CHRNA4: variants seen among roughly 807,000 people sequenced by gnomAD.
The protein encoded by CHRNA4 is neuronal acetylcholine receptor subunit alpha-4.
Under a neutral mutation model 48.9 loss-of-function variants are expected in CHRNA4, and 28 were observed. The observed-to-expected ratio is 0.57, with a 90% CI of 0.42 to 0.79. The LOEUF is 0.79. CHRNA4 is among the 30% of genes least tolerant of loss of function. CHRNA4 has a pLI of 0.00. For missense variants in CHRNA4, 859 were observed against 898.4 expected, an observed-to-expected ratio of 0.96 and a Z score of 0.56; for synonymous variants, 425 against 402.3, an observed-to-expected ratio of 1.06 and a Z score of -0.68.
At chr20:63,352,751 C>T (rs1035446444) in intron 4 of CHRNA4, among the ~76,000 whole-genome samples, 7 of 152,238 alleles carry the variant, frequency 4.6e-5, no homozygotes, top group Admixed American at 6.5e-5. Context: ...TGCAGGTCTG[C>T]GCCACTCTGG....
chr20:63,348,785 C>T (rs1044261235), intron 5 of CHRNA4, among the ~76,000 whole-genome samples: 4 of 137,586 alleles, frequency 2.9e-5, no homozygotes, highest in Admixed American at 2.3e-4. Context: ...TGGACCCTGG[C>T]CCCTGTGCCT....
Position 63,346,533 on chromosome 20 carries a change from A to T in CHRNA4, c.*205T>A. 1.3e-6 allele frequency: 1 copy of T among 773,298 alleles called. No homozygotes were observed. The highest frequency in any genetic ancestry group is 2.2e-6 in the Non-Finnish European group (1 of 455,654). 47.9% of individuals were successfully genotyped at this position (773,298 alleles called of 1,614,324 possible). On this transcript the variant is annotated 3_prime_UTR_variant, in exon 6 of 6. Transcript: ENST00000370263. ...CACTGCCTCCTGAGGCCACAGTCCA[A>T]CTGGAAGCAGCTCCACACTCGGTCT...
intron 2 of CHRNA4, among the ~76,000 whole-genome samples, chr20:63,357,047 A>C (rs13040031): frequency 0.064 from 9,055 of 142,162 alleles, 404 homozygotes; most frequent in South Asian, 0.14. Context: ...CAGGACCACA[A>C]CCCACAGGAC....
chr20:63,353,465 AGGGGGGCTGTGGTCCTGG>A lies in CHRNA4; in HGVS notation c.384-2456_384-2439del, dbSNP rs2068646952. Among the ~76,000 whole-genome samples the A allele has an allele frequency of 2.3e-4, 8 of 35,058 alleles. No individual in the cohort carries two copies. In the East Asian group the frequency reaches 2.7e-3, roughly 12 times the overall value. The allele number at this position is 35,058 out of a possible 152,430, so 23.0% of individuals were successfully genotyped here. ...TGTGGTCCTAGGGGGCTGTGGTCCT[AGGGGGGCTGTGGTCCTGG>A]GGGGGCTGTGGTCCTAGGGGGGGCT... On this transcript the variant is annotated intron_variant, in intron 4 of 5. Transcript: ENST00000370263.
At position 63,361,194 on chromosome 20, in the gene CHRNA4, C is replaced by T; in HGVS notation, c.-29G>A. ...GCACGCACCTCGCGGGCTCTAGATGCGGGCGGCTCCCGGCTCCCCGCCGCT... is the reference window on the plus strand; with the variant it reads ...GCACGCACCTCGCGGGCTCTAGATGTGGGCGGCTCCCGGCTCCCCGCCGCT... On this transcript the variant is annotated 5_prime_UTR_variant, in exon 1 of 6. Coordinates refer to ENST00000370263, the MANE Select transcript of CHRNA4 (RefSeq NM_000744.7). 1 of 1,458,218 alleles carries T rather than the reference C, an allele frequency of 6.9e-7. No homozygotes were observed. Among genetic ancestry groups the T allele is most frequent in the East Asian group, 3.0e-5 (1 of 33,588 alleles). The allele number at this position is 1,458,218 out of a possible 1,614,324, so 90.3% of individuals were successfully genotyped here.
In CHRNA4 at chr20:63,350,858, C is replaced by T. The variant is rs200979226; in HGVS notation, c.553G>A (p.Asp185Asn). ...TTCACCAGGTCGATCTTGGCCTTGT[C>T]GTAGGTCCAGGAGCCGAATTTCATG... ...CTMKFGSWTY[D>N]KAKIDLVNMH... The change falls in exon 5 of 6, where the codon GAC becomes AAC. Residue 185 changes from aspartate (D) to asparagine (N), a missense_variant. Physicochemically the swap from Asp to Asn is conservative, Grantham distance 23. Around this residue, in one of 3 missense-constraint regions of CHRNA4, gnomAD observed 342 missense variants for 365.3 expected, o/e 0.94. Coordinates refer to ENST00000370263, the MANE Select transcript of CHRNA4 (RefSeq NM_000744.7). 1.6e-5 allele frequency: 26 copies of T among 1,613,806 alleles called. No homozygotes were observed. Among genetic ancestry groups the T allele is most frequent in the African/African-American group, 1.3e-5 (1 of 74,858 alleles).
At position 63,354,342 on chromosome 20, in the gene CHRNA4, C is replaced by T. The variant is rs1281705356; in HGVS notation, c.383+1633G>A. On this transcript the variant is annotated intron_variant, in intron 4 of 5. Transcript: ENST00000370263. ...GCTGCTGTCCTAGGGGTGTTGTAGT[C>T]CTAGGGGGCTGTGGTCAGGCAAGAA... Among the ~76,000 whole-genome samples, 3 of 124,658 alleles carry T rather than the reference C, an allele frequency of 2.4e-5. No individual in the cohort carries two copies. In the South Asian group the frequency reaches 8.1e-4, roughly 33 times the overall value. 81.8% of individuals were successfully genotyped at this position (124,658 alleles called of 152,430 possible). A position where few individuals can be genotyped will look rare whatever the true frequency, so the allele number is the denominator to read the frequency against.
rs770388417 is a variant in CHRNA4 at position 63,355,938 on chromosome 20, G to A, written c.383+37C>T. 4 of 1,608,276 alleles carry A rather than the reference G, an allele frequency of 2.5e-6. No individual in the cohort carries two copies. In the East Asian group the frequency reaches 9.0e-5, roughly 36 times the overall value. ...GGCCCTGGCCACTCCTGCCCACCAA[G>A]GCCCTGTAGAGGACTCACTTGTTGT... On this transcript the variant is annotated intron_variant, in intron 4 of 5. Coordinates refer to ENST00000370263, the MANE Select transcript of CHRNA4 (RefSeq NM_000744.7).
rs201627730 is a variant in CHRNA4, at chr20:63,345,201, C to T, written c.*1537G>A. On this transcript the variant is annotated 3_prime_UTR_variant, in exon 6 of 6. Coordinates refer to ENST00000370263, the MANE Select transcript of CHRNA4 (RefSeq NM_000744.7). The surrounding 1 kb of genome is among the most constrained non-coding windows in gnomAD (Gnocchi z 5.4). ...GACGAGACCCTGGCCCAGGAGAGCTCGGCTCGGGGACAGAGGAATGAGACT... is the reference window on the plus strand; with the variant it reads ...GACGAGACCCTGGCCCAGGAGAGCTTGGCTCGGGGACAGAGGAATGAGACT... 14 of 446,010 alleles carry T rather than the reference C, an allele frequency of 3.1e-5. No homozygotes were observed. The highest frequency in any genetic ancestry group is 7.1e-5 in the East Asian group (1 of 14,144). 27.6% of individuals were successfully genotyped at this position (446,010 alleles called of 1,614,324 possible). A position where few individuals can be genotyped will look rare whatever the true frequency, so the allele number is the denominator to read the frequency against.
At chr20:63,353,590 GA>G (rs2068652933) in intron 4 of CHRNA4, among the ~76,000 whole-genome samples, 3 of 114,250 alleles carry the variant, frequency 2.6e-5, no homozygotes, top group Non-Finnish European at 3.7e-5. Flanking sequence ...GTCCTGGGGG[GA>G]CTGCAGTCCT....
Position 63,359,525 on chromosome 20 carries a change from A to G in CHRNA4, c.228+23T>C, listed in dbSNP as rs370993281. 3.7e-6 allele frequency: 6 copies of G among 1,612,346 alleles called. No individual in the cohort carries two copies. In the African/African-American group the frequency reaches 5.3e-5, roughly 14 times the overall value. On this transcript the variant is annotated intron_variant, in intron 2 of 5. Coordinates refer to ENST00000370263, the MANE Select transcript of CHRNA4 (RefSeq NM_000744.7). ...TGCAGGGCGACCTCAGTCACAGTGC[A>G]CGATGGCCACGCCCTCACCTACCAC...
intron 2 of CHRNA4, 77 bp downstream of exon 2, chr20:63,359,471 C>T (rs2068768673): frequency 6.3e-7 from 1 of 1,583,304 alleles, no homozygotes; most frequent in Non-Finnish European, 8.6e-7. Flanking sequence ...GGCTGTGTCC[C>T]CTCTGCCCAC....
At chr20:63,360,845 C>A in intron 1 of CHRNA4, 1 of 407,940 alleles carries the variant, frequency 2.5e-6, no homozygotes, top group Non-Finnish European at 4.3e-6. Flanking sequence ...CGGAACCCCC[C>A]ACACCCCGCG....
At chr20:63,354,593 G>GA in intron 4 of CHRNA4, 2 of 422,158 alleles carry the variant, frequency 4.7e-6, no homozygotes, top group Non-Finnish European at 6.0e-6. Context: ...AAGTGGGGGG[G>GA]GCTGCAGTAC....
At chr20:63,352,527 G>T (rs775424903) in intron 4 of CHRNA4, among the ~76,000 whole-genome samples, 1 of 152,170 alleles carries the variant, frequency 6.6e-6, no homozygotes, top group African/African-American at 2.4e-5. Flanking sequence ...CCTGGCTCCC[G>T]AGCGTCCCTC....
chr20:63,358,651 G>T (rs2068754748), intron 2 of CHRNA4, among the ~76,000 whole-genome samples: 1 of 152,178 alleles, frequency 6.6e-6, no homozygotes, highest in Admixed American at 6.5e-5. Context: ...AAGTGGGCCA[G>T]CTCCCAGAGA....
chr20:63,353,071 G>C (rs968108630), intron 4 of CHRNA4, among the ~76,000 whole-genome samples: 8 of 152,242 alleles, frequency 5.3e-5, no homozygotes, highest in African/African-American at 1.9e-4. Flanking sequence ...ACAGGCTGGC[G>C]TGAGACCCTC....
intron 4 of CHRNA4, among the ~76,000 whole-genome samples, chr20:63,352,600 C>T (rs568912762): frequency 1.8e-4 from 28 of 152,296 alleles, no homozygotes; most frequent in African/African-American, 6.5e-4. Context: ...AGTTTGCTCC[C>T]TCTCCCCAGC....
At position 63,351,036 on chromosome 20, in the gene CHRNA4, G is replaced by A. The variant is rs199992800; in HGVS notation, c.384-9C>T. 68 of 1,609,780 alleles carry A rather than the reference G, an allele frequency of 4.2e-5. No individual in the cohort carries two copies. The African/African-American group carries it at 8.1e-4, about 19-fold the overall frequency. On this transcript the variant is annotated splice_polypyrimidine_tract_variant and intron_variant, in intron 4 of 5. Coordinates refer to ENST00000370263, the MANE Select transcript of CHRNA4 (RefSeq NM_000744.7). ...CGAAGTCCCCGTCAGCACTGGGCAG[G>A]AAGAGAGCGAAGGGTGTGAGACCCC...
Sources: allele counts gnomAD v4.1 joint callset (sites outside exome capture counted in the v4.1 genomes callset), GRCh38; gene constraint gnomAD v4.1.1; regional missense constraint gnomAD v4.1.1; non-coding constraint Gnocchi (gnomAD v3.1); transcripts MANE v1.5; gene names NCBI Gene and HGNC (gene_info 2026-07-23, HGNC 2026-07-21).